PPP1R12A: variants seen among roughly 807,000 people sequenced by gnomAD.
PPP1R12A encodes the protein myosin binding subunit.
A neutral mutation model predicts 139.6 loss-of-function variants in PPP1R12A; 19 were observed. That is an observed-to-expected ratio of 0.14 (90% CI 0.09 to 0.20). The LOEUF (loss-of-function observed/expected upper bound fraction) is 0.20, where lower values mean the gene tolerates loss of function less well. Among genes scored for constraint, PPP1R12A ranks in the 10% least tolerant of loss-of-function variants. The pLI, the probability that PPP1R12A is intolerant of heterozygous loss-of-function variation, is 1.00. For synonymous variants in PPP1R12A, 427 were observed against 420.6 expected (o/e 1.02, Z -0.19); for missense variants, 925 against 1,211.5 (o/e 0.76, Z 3.51).
At chr12:79,863,654 A>G (rs1881621501) in intron 2 of PPP1R12A, among the ~76,000 whole-genome samples, 1 of 146,814 alleles carries the variant, frequency 6.8e-6, no homozygotes, top group South Asian at 2.1e-4. Context: ...CAAAAAAAAA[A>G]AAAAAAAAAA....
Position 79,773,745 on chromosome 12 carries a change from A to T in PPP1R12A, c.*2184T>A, listed in dbSNP as rs1183698566. 6.6e-6 allele frequency: 1 copy of T among 152,244 alleles called. No individual in the cohort carries two copies. Among genetic ancestry groups the T allele is most frequent in the Non-Finnish European group, 1.5e-5 (1 of 68,032 alleles). 9.4% of individuals were successfully genotyped at this position (152,244 alleles called of 1,614,324 possible). Reference sequence around the variant, plus strand: ...AAATTGGTATCCAAGTAAAGCAATTAGTGAAAAAATACCCATGCAGAATTT... The same window carrying T: ...AAATTGGTATCCAAGTAAAGCAATTTGTGAAAAAATACCCATGCAGAATTT... On this transcript the variant is annotated 3_prime_UTR_variant, in exon 25 of 25. Transcript: ENST00000450142.
chr12:79,919,317 G>A (rs1887249154), intron 1 of PPP1R12A, among the ~76,000 whole-genome samples: 1 of 151,964 alleles, frequency 6.6e-6, no homozygotes, highest in Non-Finnish European at 1.5e-5. Context: ...AGCACTTTGG[G>A]AAGCTGAGGC....
chr12:79,849,829 T>C (rs1879840224), intron 2 of PPP1R12A, among the ~76,000 whole-genome samples: 2 of 152,162 alleles, frequency 1.3e-5, no homozygotes, highest in South Asian at 2.1e-4. Flanking sequence ...TTCTTTTTTA[T>C]CTTTATTTTT....
chr12:79,885,749 G>A (rs1393620249), intron 1 of PPP1R12A, among the ~76,000 whole-genome samples: 1 of 152,168 alleles, frequency 6.6e-6, no homozygotes, highest in African/African-American at 2.4e-5. Context: ...TGCAATTTGT[G>A]CCTAATCATT....
chr12:79,858,113 T>C (rs971815876), intron 2 of PPP1R12A, among the ~76,000 whole-genome samples: 2 of 152,184 alleles, frequency 1.3e-5, no homozygotes, highest in African/African-American at 4.8e-5. Context: ...ACAAGAAATA[T>C]ATAATAAAAT....
intron 1 of PPP1R12A, among the ~76,000 whole-genome samples, chr12:79,910,470 CAAATAAAT>C (rs10583469): frequency 4.0e-5 from 6 of 149,028 alleles, no homozygotes; most frequent in African/African-American, 5.0e-5. Flanking sequence ...ACGACTCCGT[CAAATAAAT>C]AAATAAATAA....
chr12:79,820,068 T>C (rs180799118), intron 8 of PPP1R12A, among the ~76,000 whole-genome samples: 1 of 152,192 alleles, frequency 6.6e-6, no homozygotes, highest in Non-Finnish European at 1.5e-5. Flanking sequence ...AATTGTTATA[T>C]GTTACATATG....
rs114414678 is a variant in PPP1R12A, at chr12:79,922,372, C to T, written c.237+12323G>A. Among the ~76,000 whole-genome samples, 822 of 152,290 alleles carry T rather than the reference C, an allele frequency of 5.4e-3. 5 individuals are homozygous for T. Among genetic ancestry groups the T allele is most frequent in the African/African-American group, 0.019 (781 of 41,562 alleles). On this transcript the variant is annotated intron_variant, in intron 1 of 24. Coordinates refer to ENST00000450142, the MANE Select transcript of PPP1R12A (RefSeq NM_002480.3). ...AGATGTGTCAACATGAGTACTTTCA[C>T]GGTTAGTTTTCCATTTTCAATATAC...
chr12:79,856,497 G>GA (rs1360322688), intron 2 of PPP1R12A, among the ~76,000 whole-genome samples: 1 of 152,080 alleles, frequency 6.6e-6, no homozygotes, highest in Non-Finnish European at 1.5e-5. Context: ...TATTTCTTTG[G>GA]ATGATGTCTT....
chr12:79,863,592 A>G (rs978068846), intron 2 of PPP1R12A, among the ~76,000 whole-genome samples: 14 of 150,666 alleles, frequency 9.3e-5, no homozygotes, highest in Admixed American at 8.6e-4. Context: ...GCAAAGACAC[A>G]TATAGGCTCA....
At chr12:79,791,893 C>T (rs899145289) in intron 19 of PPP1R12A, among the ~76,000 whole-genome samples, 1 of 152,154 alleles carries the variant, frequency 6.6e-6, no homozygotes, top group Non-Finnish European at 1.5e-5. Context: ...TGGAATCACA[C>T]AGTTCTTGTC....
At chr12:79,831,007 A>G (rs1565765049) in intron 4 of PPP1R12A, among the ~76,000 whole-genome samples, 1 of 152,222 alleles carries the variant, frequency 6.6e-6, no homozygotes, top group African/African-American at 2.4e-5. Flanking sequence ...GGGAGCTTGG[A>G]TAACCTAATT....
chr12:79,871,301 A>G (rs1457819080), intron 2 of PPP1R12A, among the ~76,000 whole-genome samples: 1 of 152,214 alleles, frequency 6.6e-6, no homozygotes, highest in Non-Finnish European at 1.5e-5. Context: ...CTGTGACCCA[A>G]TCAAGTCTAT....
Position 79,832,332 on chromosome 12 carries a change from T to A in PPP1R12A, c.647A>T (p.Lys216Ile). 1 of 1,596,060 alleles carries A rather than the reference T, an allele frequency of 6.3e-7. No individual in the cohort carries two copies. ...AAACTCTGTAAAAAACAATACTTAC[T>A]TTAAAACTTCCGTATAGCCTTTAGC... ...AAAKGYTEVLKLLIQAGYDVN... is the reference protein window; with the variant it reads ...AAAKGYTEVLILLIQAGYDVN... Residue 216 changes from lysine to isoleucine, a missense_variant and splice_region_variant, in exon 4 of 25, where the codon AAA becomes ATA. By Grantham distance (102) the Lys-to-Ile change is moderately radical. Coordinates refer to ENST00000450142, the MANE Select transcript of PPP1R12A (RefSeq NM_002480.3).
At chr12:79,795,846 G>A (rs1872445810) in intron 17 of PPP1R12A, 87 bp from the exon 18 acceptor site, 4 of 1,351,032 alleles carry the variant, frequency 3.0e-6, no homozygotes, top group Admixed American at 2.0e-5. Flanking sequence ...GGTAAAATGG[G>A]CCAGGGGACT....
At chr12:79,878,051 TTTTG>T (rs1280213055) in intron 1 of PPP1R12A, among the ~76,000 whole-genome samples, 5 of 152,128 alleles carry the variant, frequency 3.3e-5, no homozygotes, top group Non-Finnish European at 1.5e-5. Context: ...AAGGTTTTTT[TTTTG>T]TTTGTTTTGT....
chr12:79,843,611 A>AATATAGATATAG (rs200027074), intron 3 of PPP1R12A, among the ~76,000 whole-genome samples: 2,656 of 134,924 alleles, frequency 0.02, 46 homozygotes, highest in Middle Eastern at 0.037. Context: ...CTCAAAAAAA[A>AATATAGATATAG]ATATAGATAT....
intron 1 of PPP1R12A, among the ~76,000 whole-genome samples, chr12:79,931,388 T>A (rs1592853618): frequency 1.3e-5 from 2 of 152,184 alleles, no homozygotes; most frequent in South Asian, 4.1e-4. Context: ...AAAATGGAAA[T>A]GAGGCTTGGA....
chr12:79,903,188 A>G (rs1592801375), intron 1 of PPP1R12A, among the ~76,000 whole-genome samples: 1 of 152,098 alleles, frequency 6.6e-6, no homozygotes, highest in South Asian at 2.1e-4. Flanking sequence ...GTGGTGGCTC[A>G]TGTCTGTAAA....
Sources: allele counts gnomAD v4.1 joint callset (sites outside exome capture counted in the v4.1 genomes callset), GRCh38; gene constraint gnomAD v4.1.1; transcripts MANE v1.5; gene names NCBI Gene and HGNC (gene_info 2026-07-23, HGNC 2026-07-21).